The following CCDC102B variants were observed in gnomAD, a reference collection of about 807,000 sequenced individuals.
CCDC102B encodes the protein coiled-coil domain containing 102B.
A neutral mutation model predicts 57.4 loss-of-function variants in CCDC102B; 75 were observed. The ratio of observed to expected loss-of-function variants is 1.31; its 90% CI spans 1.08 to 1.58. CCDC102B has a LOEUF of 1.58. Among genes scored for constraint, CCDC102B ranks in the 40% most tolerant of loss-of-function variants. CCDC102B has a pLI of 0.00. For missense variants in CCDC102B, 636 were observed against 582.6 expected (o/e 1.09, Z -0.94); for synonymous variants, 206 against 201.9 (o/e 1.02, Z -0.17).
At chr18:68,823,465 C>G (rs1012355602) in intron 1 of CCDC102B, 7 of 152,168 alleles carry the variant, frequency 4.6e-5, no homozygotes, top group African/African-American at 1.4e-4. Flanking sequence ...TGATGGATAC[C>G]TAGGTTGATT....
intron 6 of CCDC102B, among the ~76,000 whole-genome samples, chr18:68,933,854 C>A (rs1168674729): frequency 1.3e-5 from 2 of 151,682 alleles, no homozygotes; most frequent in African/African-American, 4.8e-5. Context: ...ATACAAAAAC[C>A]AACTAACCAA....
intron 6 of CCDC102B, among the ~76,000 whole-genome samples, chr18:68,941,275 C>A (rs564529475): frequency 6.0e-5 from 9 of 149,456 alleles, no homozygotes; most frequent in African/African-American, 9.9e-5. Context: ...AAAAAAAAAA[C>A]CCATGTATTT....
intron 7 of CCDC102B, among the ~76,000 whole-genome samples, chr18:69,016,044 T>C (rs796583641): frequency 0.018 from 2,103 of 118,270 alleles, 48 homozygotes; most frequent in East Asian, 0.098. Flanking sequence ...TTTTTTTTTT[T>C]AGTAGAGACG....
intron 6 of CCDC102B, among the ~76,000 whole-genome samples, chr18:68,993,706 A>T (rs1193210315): frequency 6.6e-6 from 1 of 152,222 alleles, no homozygotes; most frequent in Non-Finnish European, 1.5e-5. Context: ...CTGTAGGTTT[A>T]TTTATCAATT....
chr18:68,998,991 TATATATATAGAGAGAGAGAGAGAGAG>T (rs2051118942), intron 6 of CCDC102B, among the ~76,000 whole-genome samples: 2 of 70,070 alleles, frequency 2.9e-5, no homozygotes, highest in Non-Finnish European at 5.9e-5. Context: ...TATATATATA[TATATATATAGAGAGAGAGAGAGAGAG>T]AGAGAGAGAG....
intron 5 of CCDC102B, among the ~76,000 whole-genome samples, chr18:68,882,738 A>C (rs1384510679): frequency 5.9e-5 from 9 of 152,138 alleles, no homozygotes; most frequent in Non-Finnish European, 1.3e-4. Flanking sequence ...AATTTTTTAC[A>C]TCTGGAAAAT....
At chr18:68,924,917 C>A (rs2041425131) in intron 6 of CCDC102B, among the ~76,000 whole-genome samples, 2 of 151,974 alleles carry the variant, frequency 1.3e-5, no homozygotes, top group South Asian at 4.1e-4. Context: ...TTTACCAGTG[C>A]CCACCCCCAG....
downstream of CCDC102B, among the ~76,000 whole-genome samples, chr18:69,056,675 A>AGATG (rs2052822732): frequency 6.6e-6 from 1 of 151,860 alleles, no homozygotes; most frequent in Non-Finnish European, 1.5e-5. Context: ...ATAGATAGAT[A>AGATG]GATAGATAGG....
intron 6 of CCDC102B, among the ~76,000 whole-genome samples, chr18:68,977,959 A>G (rs2050483977): frequency 1.3e-5 from 2 of 152,000 alleles, no homozygotes; most frequent in Admixed American, 1.3e-4. Context: ...ATGAAAGCCA[A>G]GCCTAGTCAT....
At chr18:68,980,395 G>GA (rs200646247) in intron 6 of CCDC102B, among the ~76,000 whole-genome samples, 3,163 of 132,354 alleles carry the variant, frequency 0.024, 80 homozygotes, top group African/African-American at 0.064. Flanking sequence ...AGGTCTTGGT[G>GA]AAAAAAAAAA....
At chr18:68,923,055 A>G (rs2145114888) in intron 6 of CCDC102B, among the ~76,000 whole-genome samples, 1 of 152,206 alleles carries the variant, frequency 6.6e-6, no homozygotes, top group Non-Finnish European at 1.5e-5. Context: ...ATGTGATTCA[A>G]AAGCCCCTGT....
At chr18:69,010,531 A>G (rs2051486023) in intron 6 of CCDC102B, among the ~76,000 whole-genome samples, 1 of 152,172 alleles carries the variant, frequency 6.6e-6, no homozygotes, top group South Asian at 2.1e-4. Context: ...TATTTTCTTC[A>G]GAAAATAATT....
At chr18:68,762,436 C>G (rs941297309) in intron 2 of CCDC102B, among the ~76,000 whole-genome samples, 1 of 151,932 alleles carries the variant, frequency 6.6e-6, no homozygotes, top group Non-Finnish European at 1.5e-5. Flanking sequence ...TATCTCCACA[C>G]TGAATACATT....
At chr18:69,036,677 C>G (rs2052301058) in intron 7 of CCDC102B, among the ~76,000 whole-genome samples, 1 of 151,912 alleles carries the variant, frequency 6.6e-6, no homozygotes, top group Admixed American at 6.6e-5. Flanking sequence ...AATGAATACC[C>G]CTGCTGCATG....
rs1442600560 is a variant in CCDC102B at position 68,787,697 on chromosome 18, C to T, written c.-66-35669C>T. ...ATATCCCCTTTATCATTTTTTATTG[C>T]GTCTATTTGATTCTTCTCTCTTTTT... On this transcript the variant is annotated intron_variant, in intron 2 of 3. Transcript: ENST00000578970. Among the ~76,000 whole-genome samples the T allele has an allele frequency of 3.3e-3, 480 of 146,428 alleles. 2 individuals carry two copies. Among genetic ancestry groups the T allele is most frequent in the African/African-American group, 0.012 (458 of 39,448 alleles).
At chr18:68,808,468 CTTTTTTTTT>C (rs1157601164) in intron 1 of CCDC102B, among the ~76,000 whole-genome samples, 12 of 91,786 alleles carry the variant, frequency 1.3e-4, no homozygotes, top group African/African-American at 5.2e-4. Flanking sequence ...GCTTTTACTA[CTTTTTTTTT>C]TTTTTTTTTT....
chr18:68,856,469 T>C (rs1016869165), intron 4 of CCDC102B, among the ~76,000 whole-genome samples: 2 of 152,104 alleles, frequency 1.3e-5, no homozygotes, highest in Non-Finnish European at 2.9e-5. Flanking sequence ...TTATAATTTT[T>C]AAAATTTTTG....
At chr18:68,953,453 T>A (rs2049758129) in intron 6 of CCDC102B, among the ~76,000 whole-genome samples, 1 of 151,534 alleles carries the variant, frequency 6.6e-6, no homozygotes. Flanking sequence ...TTAGAGATGC[T>A]GATTATCTTT....
At chr18:68,754,791 A>G (rs1290130313) in intron 2 of CCDC102B, 1 of 152,190 alleles carries the variant, frequency 6.6e-6, no homozygotes, top group African/African-American at 2.4e-5. Flanking sequence ...TTGGTACGTG[A>G]TTAGATACTG....
Sources: allele counts gnomAD v4.1 joint callset (sites outside exome capture counted in the v4.1 genomes callset), GRCh38; gene constraint gnomAD v4.1.1; transcripts MANE v1.5; gene names NCBI Gene and HGNC (gene_info 2026-07-23, HGNC 2026-07-21).